Variants in PCDHGA5 observed in about 807,000 individuals in gnomAD.
The protein encoded by PCDHGA5 is protocadherin gamma subfamily A, 5.
Under a neutral mutation model 56.7 loss-of-function variants are expected in PCDHGA5, and 36 were observed. The ratio of observed to expected loss-of-function variants is 0.64; its 90% confidence interval spans 0.49 to 0.84. PCDHGA5 has a LOEUF of 0.84. PCDHGA5 is among the 40% of genes least tolerant of loss of function. The probability of loss-of-function intolerance (pLI) is 0.00; values close to 1 mark genes in which losing one functional copy is unlikely to be tolerated. For missense variants in PCDHGA5, 1,305 were observed against 1,201.5 expected (o/e 1.09, Z -1.27); for synonymous variants, 563 against 520.2 (o/e 1.08, Z -1.12).
chr5:141,385,582 G>C, intron 1 of PCDHGA5: 1 of 1,273,856 alleles, frequency 7.9e-7, no homozygotes, highest in Non-Finnish European at 9.9e-7. Context: ...TCCAATCTAT[G>C]TTCCAACCTA....
chr5:141,393,664 T>A, intron 1 of PCDHGA5: 1 of 1,613,772 alleles, frequency 6.2e-7, no homozygotes. Context: ...TTCCGGAAAA[T>A]TAATGAAAAA....
At chr5:141,473,066 A>G (rs1002054198) in intron 1 of PCDHGA5, among the ~76,000 whole-genome samples, 3 of 152,128 alleles carry the variant, frequency 2.0e-5, no homozygotes, top group African/African-American at 7.2e-5. Context: ...AACAAGTTAC[A>G]GCATCTTTGT....
chr5:141,403,685 C>A, intron 1 of PCDHGA5: 1 of 1,613,822 alleles, frequency 6.2e-7, no homozygotes, highest in Non-Finnish European at 8.5e-7. Flanking sequence ...TTTTGCTCAA[C>A]GGATTTACCG....
At chr5:141,371,184 G>C in intron 1 of PCDHGA5, 1 of 1,614,032 alleles carries the variant, frequency 6.2e-7, no homozygotes, top group Non-Finnish European at 8.5e-7. Context: ...CGTATTAAAA[G>C]TGATGGCCAT....
At chr5:141,421,583 G>A (rs765321947) in intron 1 of PCDHGA5, 1 of 1,613,796 alleles carries the variant, frequency 6.2e-7, no homozygotes, top group African/African-American at 1.3e-5. Context: ...AAGATTTACG[G>A]AGTGGAGGTG....
chr5:141,388,785 G>T, intron 1 of PCDHGA5: 1 of 1,613,868 alleles, frequency 6.2e-7, no homozygotes, highest in South Asian at 1.1e-5. Context: ...GGAAATTACT[G>T]TTTTAAATAC....
rs1591094034 is a variant in PCDHGA5 at position 141,431,659 on chromosome 5, A to T, written c.2422-63148A>T. 3.7e-6 allele frequency: 6 copies of T among 1,614,246 alleles called. No individual in the cohort carries two copies. The highest frequency in any genetic ancestry group is 3.4e-6 in the Non-Finnish European group (4 of 1,180,036). On this transcript the variant is annotated intron_variant, in intron 1 of 3. Coordinates refer to ENST00000518069, the MANE Select transcript of PCDHGA5 (RefSeq NM_018918.3). This position sits in a 1 kb window ranked among gnomAD's most constrained non-coding sequence, Gnocchi z 4.8. ...TCAAACTAGATTGTAATTCAGGGAC[A>T]ATATCAACAATAGGGGAGTTGGACC...
rs187307897 is a variant in PCDHGA5 at position 141,505,900 on chromosome 5, A to G, written c.2569+419A>G. 2.6e-4 allele frequency among the ~76,000 whole-genome samples: 39 copies of G among 152,296 alleles called. 1 individual carries two copies. In the East Asian group the frequency reaches 6.8e-3, roughly 26 times the overall value. ...TGTAGAGATTAAATGAGATGATACCACAAAGCATAGAGTTCTGGGCCTGGC... is the reference window on the plus strand; with the variant it reads ...TGTAGAGATTAAATGAGATGATACCGCAAAGCATAGAGTTCTGGGCCTGGC... On this transcript the variant is annotated intron_variant, in intron 3 of 3. Transcript: ENST00000518069.
intron 2 of PCDHGA5, among the ~76,000 whole-genome samples, chr5:141,500,292 T>A (rs1001226545): frequency 2.0e-5 from 3 of 151,954 alleles, no homozygotes; most frequent in Non-Finnish European, 4.4e-5. Context: ...CACTGCAAGC[T>A]CCGCCTCCCA....
intron 1 of PCDHGA5, among the ~76,000 whole-genome samples, chr5:141,473,915 A>G (rs1366378437): frequency 3.3e-5 from 5 of 152,162 alleles, no homozygotes; most frequent in Non-Finnish European, 5.9e-5. Flanking sequence ...GTCTTAAGAA[A>G]ACTATGAGCT....
At position 141,487,499 on chromosome 5, in the gene PCDHGA5, G is replaced by C; in HGVS notation, c.2422-7308G>C. 6.2e-7 allele frequency: 1 copy of C among 1,614,152 alleles called. No individual in the cohort carries two copies. The highest frequency in any genetic ancestry group is 1.3e-5 in the African/African-American group (1 of 75,042). ...CCACTCTCATGGCTGTACACCCTTG[G>C]CTTCTGCACCCACTCGGAGTGATAG... On this transcript the variant is annotated intron_variant, in intron 1 of 3. Coordinates refer to ENST00000518069, the MANE Select transcript of PCDHGA5 (RefSeq NM_018918.3). The surrounding 1 kb of genome is among the most constrained non-coding windows in gnomAD (Gnocchi z 5.0).
intron 1 of PCDHGA5, among the ~76,000 whole-genome samples, chr5:141,447,162 G>A (rs1213550616): frequency 6.6e-6 from 1 of 151,700 alleles, no homozygotes; most frequent in African/African-American, 2.4e-5. Flanking sequence ...TTGTTTAAGC[G>A]GGGTCTTGCT....
At chr5:141,395,992 T>G (rs915228194) in intron 1 of PCDHGA5, 3 of 152,184 alleles carry the variant, frequency 2.0e-5, no homozygotes, top group African/African-American at 7.2e-5. Context: ...TAAAATGTAA[T>G]TTTAAACTGT....
chr5:141,430,822 G>C lies in PCDHGA5; in HGVS notation c.2422-63985G>C, dbSNP rs752634890. 5.8e-6 allele frequency: 9 copies of C among 1,542,380 alleles called. No homozygotes were observed. The African/African-American group carries it at 1.1e-4, about 19-fold the overall frequency. On this transcript the variant is annotated intron_variant, in intron 1 of 3. Transcript: ENST00000518069. ...TTGTCCTGCTGGGAATCCTCCTGGGGACTCTGTGGGAGACCGGATGCACCC... is the reference window on the plus strand; with the variant it reads ...TTGTCCTGCTGGGAATCCTCCTGGGCACTCTGTGGGAGACCGGATGCACCC...
At chr5:141,373,930 A>G in intron 1 of PCDHGA5, 1 of 675,978 alleles carries the variant, frequency 1.5e-6, no homozygotes, top group Non-Finnish European at 2.3e-6. Context: ...TAGACGGGAA[A>G]GCAGGAAAGC....
chr5:141,510,222 G>A (rs891688596), intron 3 of PCDHGA5, among the ~76,000 whole-genome samples: 3 of 151,498 alleles, frequency 2.0e-5, no homozygotes, highest in Admixed American at 6.6e-5. Context: ...GCAGTGAGCC[G>A]GGATCGCGCC....
rs767225609 is a variant in PCDHGA5 at position 141,390,056 on chromosome 5, C to T, written c.2421+23305C>T. On this transcript the variant is annotated intron_variant, in intron 1 of 3. Transcript: ENST00000518069. ...CCTCCAGCCCCGCCTCCTGGAGCTG[C>T]TTCCAGCCTGGTCTCTGTGTTAAAT... 9 of 1,613,960 alleles carry T rather than the reference C, an allele frequency of 5.6e-6. No homozygotes were observed. In the Admixed American group the frequency reaches 1.3e-4, roughly 24 times the overall value.
intron 1 of PCDHGA5, chr5:141,408,641 T>G: frequency 6.2e-7 from 1 of 1,614,034 alleles, no homozygotes; most frequent in Non-Finnish European, 8.5e-7. Context: ...CGAATCTGCA[T>G]CCGCTGGTAC....
rs144018757 is a variant in PCDHGA5, at chr5:141,443,001, A to G, written c.2422-51806A>G. On this transcript the variant is annotated intron_variant, in intron 1 of 3. Transcript: ENST00000518069. ...GTTAGCCTATAATTTCAGTAAATCTAAGAATATGACTAATGGAAGTTGCCA... is the reference window on the plus strand; with the variant it reads ...GTTAGCCTATAATTTCAGTAAATCTGAGAATATGACTAATGGAAGTTGCCA... Among the ~76,000 whole-genome samples the G allele has an allele frequency of 1.3e-3, 194 of 152,312 alleles. 1 individual carries two copies. The East Asian group carries it at 0.032, about 25-fold the overall frequency.
Sources: allele counts gnomAD v4.1 joint callset (sites outside exome capture counted in the v4.1 genomes callset), GRCh38; gene constraint gnomAD v4.1.1; non-coding constraint Gnocchi (gnomAD v3.1); transcripts MANE v1.5; gene names NCBI Gene and HGNC (gene_info 2026-07-23, HGNC 2026-07-21).